The following MS4A15 variants were observed in gnomAD, a reference collection of about 807,000 sequenced individuals.
The protein encoded by MS4A15 is membrane spanning 4-domains A15.
In MS4A15, 22 loss-of-function variants were observed where a neutral mutation model predicts 20.6. The observed-to-expected ratio is 1.07, with a 90% CI of 0.76 to 1.52. MS4A15 has a LOEUF of 1.52. MS4A15 is among the 40% of genes most tolerant of loss of function. The pLI, the probability that MS4A15 is intolerant of heterozygous loss-of-function variation, is 0.00. For missense variants in MS4A15, 312 were observed against 323.0 expected (o/e 0.97, Z 0.26); for synonymous variants, 129 against 129.3 (o/e 1.00, Z 0.02).
At chr11:60,769,842 C>G (rs573520623) in intron 3 of MS4A15, among the ~76,000 whole-genome samples, 1 of 152,174 alleles carries the variant, frequency 6.6e-6, no homozygotes, top group African/African-American at 2.4e-5. Context: ...TCTTCCCACC[C>G]CCATGGCCAC....
chr11:60,775,795 C>A lies in MS4A15; in HGVS notation c.*80C>A. The A allele has an allele frequency of 2.6e-6, 3 of 1,157,108 alleles. No homozygotes were observed. Among genetic ancestry groups the A allele is most frequent in the South Asian group, 1.4e-5 (1 of 72,728 alleles). 71.7% of individuals were successfully genotyped at this position (1,157,108 alleles called of 1,614,324 possible). A position where few individuals can be genotyped will look rare whatever the true frequency, so the allele number is the denominator to read the frequency against. ...CTCTCCCCACCCCCACCTTGTTCAT[C>A]AGGGGCCAGCCCCATCCCAGCTGCC... On this transcript the variant is annotated 3_prime_UTR_variant, in exon 7 of 7. Transcript: ENST00000405633.
intron 1 of MS4A15, among the ~76,000 whole-genome samples, chr11:60,760,737 G>A (rs747513281): frequency 2.0e-5 from 3 of 152,054 alleles, no homozygotes; most frequent in Non-Finnish European, 2.9e-5. Context: ...CATCAAACTC[G>A]TAAAGTATAT....
intron 1 of MS4A15, 95 bp from the exon 2 acceptor site, chr11:60,763,611 G>A: frequency 9.9e-7 from 1 of 1,006,228 alleles, no homozygotes; most frequent in East Asian, 2.5e-5. Context: ...TACTGGCAGG[G>A]CTGCAGTAAG....
At chr11:60,757,685 C>G (rs1462874975) in intron 1 of MS4A15, among the ~76,000 whole-genome samples, 1 of 152,216 alleles carries the variant, frequency 6.6e-6, no homozygotes, top group Non-Finnish European at 1.5e-5. Flanking sequence ...GGCAATGGCG[C>G]CTCCCATCCC....
Position 60,767,578 on chromosome 11 carries a change from G to C in MS4A15, c.271G>C (p.Val91Leu), listed in dbSNP as rs780612805. The change falls in exon 3 of 7, where the codon GTG becomes CTG. Residue 91 changes from valine to leucine, a missense_variant. Val to Leu is a conservative substitution (Grantham distance 32). Transcript: ENST00000405633. ...CCTCATCCACCTAGGCTTTGGCAGC[G>C]TGCTGCTCATGGTTCGCCGCGGCCA... Reference protein sequence around the residue: ...IGLIHLGFGSVLLMVRRGHVG... With the variant: ...IGLIHLGFGSLLLMVRRGHVG... 2.6e-6 allele frequency: 4 copies of C among 1,554,924 alleles called. No individual in the cohort carries two copies. The Admixed American group carries it at 7.8e-5, about 31-fold the overall frequency.
intron 1 of MS4A15, among the ~76,000 whole-genome samples, chr11:60,762,090 T>C (rs11603443): frequency 5.3e-4 from 80 of 152,248 alleles, no homozygotes; most frequent in Non-Finnish European, 9.8e-4. Flanking sequence ...ATTGCTTTTT[T>C]AGTCTCAGCT....
rs1285227912 is a variant in MS4A15 at position 60,774,681 on chromosome 11, C to CA, written c.612+739dup. Among the ~76,000 whole-genome samples, 9 of 151,622 alleles carry CA rather than the reference C, an allele frequency of 5.9e-5. 1 individual carries two copies. The highest frequency in any genetic ancestry group is 2.6e-4 in the Admixed American group (4 of 15,260). On this transcript the variant is annotated intron_variant, in intron 6 of 6. Transcript: ENST00000405633. ...GAGATGGAAATTAAGCTTTGATTTC[C>CA]AAAAAAAATGGAGGACAGTGATGAC... is the stretch of plus-strand genomic sequence containing the variant.
intron 1 of MS4A15, among the ~76,000 whole-genome samples, chr11:60,761,222 T>C (rs188456533): frequency 2.8e-4 from 42 of 152,356 alleles, no homozygotes; most frequent in African/African-American, 9.9e-4. Flanking sequence ...AACTCCTTGG[T>C]TGTATTGTCT....
At chr11:60,757,990 G>A (rs545258080) in intron 1 of MS4A15, among the ~76,000 whole-genome samples, 16 of 152,336 alleles carry the variant, frequency 1.1e-4, no homozygotes, top group Admixed American at 2.0e-4. Context: ...TTACGAAGGA[G>A]GTGATTGAGG....
chr11:60,767,677 A>T (rs1216215799), intron 3 of MS4A15, 22 bp downstream of exon 3: 1 of 1,529,868 alleles, frequency 6.5e-7, no homozygotes, highest in Admixed American at 2.0e-5. Context: ...GGCCATGGAG[A>T]GGGAGGGTAG....
In MS4A15 at chr11:60,775,923, C is replaced by G. The variant is rs2134736812; in HGVS notation, c.*208C>G. ...TGCTTTCTTTCTAAAAGACACCGGG[C>G]TGACGTCAGGGGTGTGTGTCCTTCA... is the stretch of plus-strand genomic sequence containing the variant. On this transcript the variant is annotated 3_prime_UTR_variant, in exon 7 of 7. Transcript: ENST00000405633. 2.1e-6 allele frequency: 1 copy of G among 484,546 alleles called. No individual in the cohort carries two copies. The highest frequency in any genetic ancestry group is 3.5e-5 in the South Asian group (1 of 28,498). The allele number at this position is 484,546 out of a possible 1,614,324, so 30.0% of individuals were successfully genotyped here.
chr11:60,771,020 T>C (rs1052306499), intron 3 of MS4A15, among the ~76,000 whole-genome samples: 2 of 152,104 alleles, frequency 1.3e-5, no homozygotes, highest in African/African-American at 4.8e-5. Context: ...ACTCAGTAAA[T>C]GTTTGATGAG....
chr11:60,759,633 C>G (rs1162510884), intron 1 of MS4A15, among the ~76,000 whole-genome samples: 1 of 152,062 alleles, frequency 6.6e-6, no homozygotes, highest in African/African-American at 2.4e-5. Flanking sequence ...TGGAATGTCT[C>G]GGTGTAAAGC....
At position 60,763,701 on chromosome 11, in the gene MS4A15, C is replaced by T; in HGVS notation, c.-28-5C>T. 6.2e-7 allele frequency: 1 copy of T among 1,606,386 alleles called. No individual in the cohort carries two copies. The highest frequency in any genetic ancestry group is 8.5e-7 in the Non-Finnish European group (1 of 1,174,888). On this transcript the variant is annotated splice_region_variant and splice_polypyrimidine_tract_variant and intron_variant, in intron 1 of 6. Transcript: ENST00000405633. ...CAATCATCATTGCCATTATTATCTC[C>T]CAAGCCTTTGTTTCCCAGGCTCTCT... is the stretch of plus-strand genomic sequence containing the variant.
chr11:60,764,381 G>A (rs1330339506), intron 2 of MS4A15, among the ~76,000 whole-genome samples: 1 of 152,144 alleles, frequency 6.6e-6, no homozygotes, highest in Non-Finnish European at 1.5e-5. Context: ...AAAGGAAGAG[G>A]TGGAAGCTCG....
At chr11:60,759,007 G>A (rs781019117) in intron 1 of MS4A15, among the ~76,000 whole-genome samples, 3 of 152,218 alleles carry the variant, frequency 2.0e-5, no homozygotes, top group Admixed American at 6.5e-5. Context: ...TATGCGGTGT[G>A]TAGTATTACT....
chr11:60,769,028 G>T (rs1853958261), intron 3 of MS4A15, among the ~76,000 whole-genome samples: 1 of 152,182 alleles, frequency 6.6e-6, no homozygotes, highest in Non-Finnish European at 1.5e-5. Context: ...ACCTGAAGGT[G>T]GAGGAAAATT....
At chr11:60,765,302 G>C (rs1469960171) in intron 2 of MS4A15, among the ~76,000 whole-genome samples, 1 of 152,136 alleles carries the variant, frequency 6.6e-6, no homozygotes, top group Non-Finnish European at 1.5e-5. Flanking sequence ...TATGGAGACA[G>C]GCTAATGGCC....
intron 2 of MS4A15, among the ~76,000 whole-genome samples, chr11:60,766,173 GA>G (rs1327337853): frequency 3.3e-5 from 5 of 152,210 alleles, no homozygotes; most frequent in African/African-American, 1.2e-4. Context: ...CTGAGGTCAG[GA>G]GTTCGAGACC....
Sources: allele counts gnomAD v4.1 joint callset (sites outside exome capture counted in the v4.1 genomes callset), GRCh38; gene constraint gnomAD v4.1.1; transcripts MANE v1.5; gene names NCBI Gene and HGNC (gene_info 2026-07-23, HGNC 2026-07-21).